CFAP58: variants seen among roughly 807,000 people sequenced by gnomAD.
The protein encoded by CFAP58 is cilia and flagella associated protein 58.
Under a neutral mutation model 119.5 loss-of-function variants are expected in CFAP58, and 88 were observed. That is an observed-to-expected ratio of 0.74 (90% CI 0.62 to 0.88). CFAP58 has a LOEUF of 0.88. CFAP58 is among the 40% of genes least tolerant of loss of function. The probability of loss-of-function intolerance (pLI) is 0.00; values close to 1 mark genes in which losing one functional copy is unlikely to be tolerated. For synonymous variants in CFAP58, 365 were observed against 366.3 expected, an observed-to-expected ratio of 1.00 and a Z score of 0.04; for missense variants, 990 against 1,021.2, an observed-to-expected ratio of 0.97 and a Z score of 0.42.
chr10:104,401,900 C>A (rs1251839509), intron 13 of CFAP58, among the ~76,000 whole-genome samples: 2 of 152,132 alleles, frequency 1.3e-5, no homozygotes, highest in African/African-American at 4.8e-5. Flanking sequence ...GAGATACCAC[C>A]ACTGACATTT....
At chr10:104,362,567 T>A (rs1188964514) in intron 3 of CFAP58, among the ~76,000 whole-genome samples, 1 of 152,066 alleles carries the variant, frequency 6.6e-6, no homozygotes, top group East Asian at 1.9e-4. Context: ...CAGAAAACAG[T>A]GCTGCTCTTC....
At chr10:104,426,916 CTT>C (rs1171368720) in intron 15 of CFAP58, among the ~76,000 whole-genome samples, 1 of 152,110 alleles carries the variant, frequency 6.6e-6, no homozygotes, top group Non-Finnish European at 1.5e-5. Context: ...TATTTCCTCA[CTT>C]ATTGCTTTGT....
At chr10:104,449,031 G>A (rs975948334) in intron 16 of CFAP58, among the ~76,000 whole-genome samples, 3 of 152,170 alleles carry the variant, frequency 2.0e-5, no homozygotes, top group African/African-American at 7.2e-5. Flanking sequence ...CTCATGAAGA[G>A]GTTTAGAGGT....
intron 15 of CFAP58, among the ~76,000 whole-genome samples, chr10:104,438,950 C>T (rs2012990019): frequency 6.6e-6 from 1 of 152,120 alleles, no homozygotes; most frequent in African/African-American, 2.4e-5. Flanking sequence ...ACACAATAAC[C>T]ATAAGATTTA....
Position 104,379,906 on chromosome 10 carries a change from A to G in CFAP58, c.1174-123A>G, listed in dbSNP as rs1172935014. The stretch of plus-strand genomic sequence containing the variant: ...CTCTTAATAAGCTGTAGAGAATATG[A>G]TCATTTTTATTCATCCAAAAGACAA... On this transcript the variant is annotated intron_variant, in intron 8 of 17. Transcript: ENST00000369704. The G allele has an allele frequency of 2.3e-5, 20 of 881,118 alleles. No homozygotes were observed. The East Asian group carries it at 4.9e-4, about 21-fold the overall frequency. The allele number at this position is 881,118 out of a possible 1,614,324, so 54.6% of individuals were successfully genotyped here.
At chr10:104,411,407 A>G (rs2012458092) in intron 15 of CFAP58, among the ~76,000 whole-genome samples, 1 of 151,972 alleles carries the variant, frequency 6.6e-6, no homozygotes, top group Admixed American at 6.6e-5. Flanking sequence ...TCAAAAATTT[A>G]TTTTATAGTC....
At chr10:104,397,016 G>A (rs953084941) in intron 11 of CFAP58, among the ~76,000 whole-genome samples, 6 of 152,176 alleles carry the variant, frequency 3.9e-5, no homozygotes, top group Non-Finnish European at 5.9e-5. Context: ...TGCACGAGTG[G>A]TTTTACATTT....
At chr10:104,413,706 A>ACATCATCATCATCAT (rs199893413) in intron 15 of CFAP58, among the ~76,000 whole-genome samples, 3 of 143,864 alleles carry the variant, frequency 2.1e-5, no homozygotes, top group Non-Finnish European at 4.5e-5. Flanking sequence ...GGGTATCATT[A>ACATCATCATCATCAT]CATCATCATC....
At chr10:104,382,424 A>G (rs1238032445) in intron 9 of CFAP58, 5 of 498,884 alleles carry the variant, frequency 1.0e-5, no homozygotes, top group African/African-American at 5.7e-5. Flanking sequence ...AGGTGCCATC[A>G]CACCACCATC....
At chr10:104,454,337 T>C (rs2133106110) in intron 17 of CFAP58, 85 bp from the exon 18 acceptor site, 5 of 1,045,156 alleles carry the variant, frequency 4.8e-6, no homozygotes, top group African/African-American at 1.6e-5. Flanking sequence ...TAGTTTTCAG[T>C]GGCTAACACA....
intron 5 of CFAP58, among the ~76,000 whole-genome samples, chr10:104,368,041 C>T (rs1010919856): frequency 2.0e-5 from 3 of 152,234 alleles, no homozygotes; most frequent in Non-Finnish European, 4.4e-5. Flanking sequence ...AGCTTCCGAG[C>T]CCCACAGCTT....
In CFAP58 at chr10:104,400,666, C is replaced by T. The variant is rs2012244972; in HGVS notation, c.1816-14C>T. 1.9e-6 allele frequency: 3 copies of T among 1,610,344 alleles called. No homozygotes were observed. Among genetic ancestry groups the T allele is most frequent in the Non-Finnish European group, 2.5e-6 (3 of 1,177,542 alleles). On this transcript the variant is annotated splice_polypyrimidine_tract_variant and intron_variant, in intron 12 of 17. Transcript: ENST00000369704. The stretch of plus-strand genomic sequence containing the variant: ...CTCCTTCCCTGGTGACTATGCCCCT[C>T]CCTACCTTCCTAGGTCATCAGTGAG...
At chr10:104,357,426 T>C (rs955493800) in intron 1 of CFAP58, among the ~76,000 whole-genome samples, 1 of 152,152 alleles carries the variant, frequency 6.6e-6, no homozygotes, top group Non-Finnish European at 1.5e-5. Flanking sequence ...AGTTTCACTG[T>C]ATATGTGATT....
At chr10:104,365,462 G>A (rs959864452) in intron 4 of CFAP58, among the ~76,000 whole-genome samples, 1 of 152,112 alleles carries the variant, frequency 6.6e-6, no homozygotes, top group African/African-American at 2.4e-5. Context: ...ACTTAGGGTA[G>A]CTAGCCACAT....
chr10:104,399,310 T>G (rs1305869780), intron 11 of CFAP58, 50 bp from the exon 12 acceptor site: 10 of 1,601,574 alleles, frequency 6.2e-6, no homozygotes, highest in African/African-American at 1.3e-5. Flanking sequence ...GTCGTCCTGG[T>G]TTGTGCTGTA....
Position 104,447,829 on chromosome 10 carries a change from C to T in CFAP58, c.2376+12C>T. 1.9e-6 allele frequency: 3 copies of T among 1,600,496 alleles called. No homozygotes were observed. Among genetic ancestry groups the T allele is most frequent in the Non-Finnish European group, 2.6e-6 (3 of 1,171,554 alleles). On this transcript the variant is annotated intron_variant, in intron 16 of 17. Coordinates refer to ENST00000369704, the MANE Select transcript of CFAP58 (RefSeq NM_001008723.2). ...AGCAGCAGCTGAAAGTAAGTGGTAG[C>T]CCCTGTTCCTTCCGGGTTCCAGGGC...
At chr10:104,384,806 C>T (rs2011889025) in intron 9 of CFAP58, among the ~76,000 whole-genome samples, 1 of 152,088 alleles carries the variant, frequency 6.6e-6, no homozygotes, top group South Asian at 2.1e-4. Flanking sequence ...CTCCATGAAC[C>T]AGAGTGAAAC....
intron 1 of CFAP58, among the ~76,000 whole-genome samples, chr10:104,355,679 G>C (rs908251998): frequency 6.6e-6 from 1 of 152,178 alleles, no homozygotes; most frequent in African/African-American, 2.4e-5. Context: ...AAATGCCACA[G>C]TTCCTTTCTG....
chr10:104,363,129 C>G lies in CFAP58; in HGVS notation c.440+958C>G, dbSNP rs115128189. ...ACTCCAATGACCACACAGAAAGTCA[C>G]TATGTTTTCTGTTTCCATAAGACCC... On this transcript the variant is annotated intron_variant, in intron 3 of 17. Transcript: ENST00000369704. Among the ~76,000 whole-genome samples the G allele has an allele frequency of 1.0e-2, 1,522 of 152,324 alleles. 31 individuals carry two copies. Among genetic ancestry groups the G allele is most frequent in the African/African-American group, 0.035 (1,454 of 41,562 alleles).
Sources: allele counts gnomAD v4.1 joint callset (sites outside exome capture counted in the v4.1 genomes callset), GRCh38; gene constraint gnomAD v4.1.1; transcripts MANE v1.5; gene names NCBI Gene and HGNC (gene_info 2026-07-23, HGNC 2026-07-21).